CDH13: variants seen among roughly 807,000 people sequenced by gnomAD.
CDH13 encodes the protein cadherin-13.
Under a neutral mutation model 63.8 loss-of-function variants are expected in CDH13, and 24 were observed. That is an observed-to-expected ratio of 0.38 (90% CI 0.27 to 0.53). The LOEUF (loss-of-function observed/expected upper bound fraction) is 0.53. Among genes scored for constraint, CDH13 ranks in the 20% least tolerant of loss-of-function variants. CDH13 has a pLI of 0.85. For synonymous variants in CDH13, 503 were observed against 355.3 expected, an observed-to-expected ratio of 1.42 and a Z score of -4.67; for missense variants, 1,049 against 903.1, an observed-to-expected ratio of 1.16 and a Z score of -2.07.
intron 1 of CDH13, among the ~76,000 whole-genome samples, chr16:82,676,474 C>A (rs958653757): frequency 6.7e-6 from 1 of 148,160 alleles, no homozygotes; most frequent in Non-Finnish European, 1.5e-5. Context: ...CTAATCTGAG[C>A]TACCATCATT....
intron 5 of CDH13, among the ~76,000 whole-genome samples, chr16:83,330,683 G>T (rs538593416): frequency 6.6e-6 from 1 of 152,168 alleles, no homozygotes; most frequent in African/African-American, 2.4e-5. Context: ...GCCTGGAGCT[G>T]GTACTGACCA....
chr16:83,262,464 T>A (rs1907107361), intron 5 of CDH13, among the ~76,000 whole-genome samples: 1 of 152,186 alleles, frequency 6.6e-6, no homozygotes, highest in Admixed American at 6.5e-5. Flanking sequence ...CTTTCAAATA[T>A]TATATGGTGC....
chr16:83,605,030 A>C (rs977626786), intron 8 of CDH13, among the ~76,000 whole-genome samples: 3 of 152,262 alleles, frequency 2.0e-5, no homozygotes, highest in African/African-American at 7.2e-5. Context: ...CATATTGTAA[A>C]CACTAAAAGC....
At chr16:83,429,475 T>G (rs1481436162) in intron 6 of CDH13, among the ~76,000 whole-genome samples, 4 of 151,896 alleles carry the variant, frequency 2.6e-5, no homozygotes, top group African/African-American at 9.7e-5. Flanking sequence ...TTATATTTGT[T>G]GCATGACCAT....
At chr16:83,581,100 T>C (rs1032084825) in intron 7 of CDH13, among the ~76,000 whole-genome samples, 1 of 152,222 alleles carries the variant, frequency 6.6e-6, no homozygotes, top group African/African-American at 2.4e-5. Context: ...GTTGGGCAGA[T>C]TGTATTTCAG....
At chr16:83,286,462 T>A (rs1427220401) in intron 5 of CDH13, among the ~76,000 whole-genome samples, 1 of 152,122 alleles carries the variant, frequency 6.6e-6, no homozygotes. Flanking sequence ...AAGTTTCCGT[T>A]GTCAAATTTA....
chr16:83,404,888 G>A (rs2092019090), intron 6 of CDH13, among the ~76,000 whole-genome samples: 1 of 152,162 alleles, frequency 6.6e-6, no homozygotes, highest in African/African-American at 2.4e-5. Flanking sequence ...GCTATGTGAT[G>A]TTGCATTTTA....
chr16:82,880,514 G>C (rs1280732745), intron 2 of CDH13, among the ~76,000 whole-genome samples: 1 of 152,132 alleles, frequency 6.6e-6, no homozygotes, highest in Non-Finnish European at 1.5e-5. Flanking sequence ...TAGGGAAATG[G>C]AAAGTAGCAA....
intron 3 of CDH13, among the ~76,000 whole-genome samples, chr16:83,049,571 G>A (rs918834936): frequency 1.1e-4 from 16 of 152,098 alleles, no homozygotes; most frequent in Non-Finnish European, 1.5e-4. Context: ...TCCTGACCTC[G>A]TGATCCGCCT....
chr16:82,936,447 A>G (rs950669364), intron 2 of CDH13, among the ~76,000 whole-genome samples: 1 of 152,046 alleles, frequency 6.6e-6, no homozygotes, highest in Non-Finnish European at 1.5e-5. Flanking sequence ...GAACAGTTTC[A>G]ACCCGAATCC....
At chr16:83,079,496 A>C (rs908784007) in intron 3 of CDH13, among the ~76,000 whole-genome samples, 4 of 152,196 alleles carry the variant, frequency 2.6e-5, no homozygotes, top group African/African-American at 9.6e-5. Context: ...TGCTTTAATG[A>C]GACTTAAATG....
At chr16:83,669,415 G>C (rs1914304865) in intron 8 of CDH13, among the ~76,000 whole-genome samples, 1 of 152,156 alleles carries the variant, frequency 6.6e-6, no homozygotes, top group Admixed American at 6.5e-5. Context: ...TGATTTTTGT[G>C]AGAAGAGAAG....
At chr16:83,170,196 A>G (rs911509585) in intron 4 of CDH13, among the ~76,000 whole-genome samples, 3 of 152,120 alleles carry the variant, frequency 2.0e-5, no homozygotes, top group African/African-American at 4.8e-5. Context: ...ACACATGACA[A>G]TAAACCCTTC....
chr16:83,191,715 T>C lies in CDH13; in HGVS notation c.484-25630T>C, dbSNP rs1203096072. ...GTTTGATGTTCGAGGGCAGGAAGCA[T>C]CCAGCATGGGCGAAAGATGTAGGCT... is the stretch of plus-strand genomic sequence containing the variant. On this transcript the variant is annotated intron_variant, in intron 4 of 13. Transcript: ENST00000567109. Among the ~76,000 whole-genome samples the C allele has an allele frequency of 2.6e-5, 4 of 151,544 alleles. No individual in the cohort carries two copies. The South Asian group carries it at 6.3e-4, about 24-fold the overall frequency.
chr16:83,794,174 C>A (rs1163296949), intron 13 of CDH13, among the ~76,000 whole-genome samples: 1 of 152,210 alleles, frequency 6.6e-6, no homozygotes. Flanking sequence ...AGTCTTCTGA[C>A]TTCCAGAACT....
At chr16:83,038,212 G>T (rs1917035485) in intron 3 of CDH13, among the ~76,000 whole-genome samples, 1 of 152,176 alleles carries the variant, frequency 6.6e-6, no homozygotes, top group Non-Finnish European at 1.5e-5. Flanking sequence ...CTGGAGCCTG[G>T]CTCTTCTTTA....
At chr16:83,315,044 A>G (rs946777018) in intron 5 of CDH13, among the ~76,000 whole-genome samples, 2 of 152,322 alleles carry the variant, frequency 1.3e-5, no homozygotes, top group South Asian at 2.1e-4. Flanking sequence ...TTCAACTACA[A>G]AAGGGTCACC....
chr16:83,176,467 A>G (rs2038127643), intron 4 of CDH13, among the ~76,000 whole-genome samples: 1 of 145,958 alleles, frequency 6.9e-6, no homozygotes, highest in Non-Finnish European at 1.5e-5. Context: ...CCCAGATTGC[A>G]TCACTGCACT....
chr16:83,301,025 G>GTTTTTTTTTTTTTTTT (rs3052591), intron 5 of CDH13, among the ~76,000 whole-genome samples: 1 of 78,756 alleles, frequency 1.3e-5, no homozygotes. Context: ...ACTTTCTGGG[G>GTTTTTTTTTTTTTTTT]TTTTTTTTTT....
Sources: gnomAD v4.1 joint callset for allele counts (sites outside exome capture counted in the v4.1 genomes callset) on GRCh38, gnomAD v4.1.1 for gene constraint, MANE v1.5 for transcripts, NCBI Gene and HGNC (gene_info 2026-07-23, HGNC 2026-07-21) for gene names.